The following STRN variants were observed in gnomAD, a reference collection of about 807,000 sequenced individuals.
STRN encodes the protein striatin, also known as protein phosphatase 2 regulatory subunit B'''alpha.
STRN carries 53 observed loss-of-function variants against 96.3 expected under a neutral mutation model. The observed-to-expected ratio is 0.55, with a 90% CI of 0.44 to 0.69. STRN has a LOEUF of 0.69. Among genes scored for constraint, STRN ranks in the 30% least tolerant of loss-of-function variants. The probability of loss-of-function intolerance (pLI) is 0.00; values close to 1 mark genes in which losing one functional copy is unlikely to be tolerated. For missense variants in STRN, 987 were observed against 963.9 expected (o/e 1.02, Z -0.32); for synonymous variants, 428 against 355.9 (o/e 1.20, Z -2.28).
chr2:36,949,097 G>C (rs972910308), intron 1 of STRN, among the ~76,000 whole-genome samples: 8 of 152,048 alleles, frequency 5.3e-5, no homozygotes, highest in African/African-American at 1.9e-4. Flanking sequence ...TTTATGGCTT[G>C]GATATGTTTA....
chr2:36,877,688 G>C (rs966149247), intron 10 of STRN, among the ~76,000 whole-genome samples: 1 of 152,086 alleles, frequency 6.6e-6, no homozygotes, highest in African/African-American at 2.4e-5. Flanking sequence ...GGCACCTGCC[G>C]CCATGCCTGG....
At position 36,877,999 on chromosome 2, in the gene STRN, A is replaced by C. The variant is rs1436400738; in HGVS notation, c.1215T>G (p.Ser405=). 6.2e-7 allele frequency: 1 copy of C among 1,614,004 alleles called. No homozygotes were observed. Among genetic ancestry groups the C allele is most frequent in the African/African-American group, 1.3e-5 (1 of 74,924 alleles). Residue 405 remains serine (S), a synonymous_variant, in exon 10 of 18, where the codon TCT becomes TCG. Transcript: ENST00000263918. ...CTGCTCCCATGATGAATGACTTTCC[A>C]GAAGAAGGAGGAAATGTCAATGCTT... ...EVEALTFPPS[S]GKSFIMGADE...
rs373544509 is a variant in STRN, at chr2:36,931,200, C to T, written c.235-5992G>A. ...TTATACAGGCCTTCAAGCTGACAGA[C>T]GAGTACATACTAGCTTTTTGATTCT... On this transcript the variant is annotated intron_variant, in intron 1 of 17. Transcript: ENST00000263918. Among the ~76,000 whole-genome samples the T allele has an allele frequency of 7.4e-3, 1,126 of 152,142 alleles. 16 individuals are homozygous for T. The highest frequency in any genetic ancestry group is 0.026 in the African/African-American group (1,072 of 41,516).
intron 1 of STRN, among the ~76,000 whole-genome samples, chr2:36,931,972 G>A (rs1166471618): frequency 2.6e-5 from 4 of 151,896 alleles, no homozygotes; most frequent in Non-Finnish European, 4.4e-5. Flanking sequence ...AGGCGCATAC[G>A]ACCACATGCA....
chr2:36,929,021 T>C (rs765450861), intron 1 of STRN, among the ~76,000 whole-genome samples: 10 of 151,768 alleles, frequency 6.6e-5, no homozygotes, highest in Non-Finnish European at 1.5e-4. Flanking sequence ...CATTTATCAG[T>C]ACAACTAAAC....
intron 10 of STRN, among the ~76,000 whole-genome samples, chr2:36,871,796 C>T (rs191746657): frequency 3.0e-4 from 45 of 152,178 alleles, no homozygotes; most frequent in African/African-American, 1.0e-3. Flanking sequence ...GTGACTTGCC[C>T]AAAGAACCCT....
At chr2:36,888,260 T>C (rs772285397) in intron 7 of STRN, among the ~76,000 whole-genome samples, 12 of 152,182 alleles carry the variant, frequency 7.9e-5, no homozygotes, top group Middle Eastern at 3.2e-3. Flanking sequence ...CCATGTCTAT[T>C]ATCAACACTG....
At chr2:36,935,789 A>G (rs2148246081) in intron 1 of STRN, among the ~76,000 whole-genome samples, 1 of 152,366 alleles carries the variant, frequency 6.6e-6, no homozygotes, top group East Asian at 1.9e-4. Context: ...GTTCAATCAC[A>G]GTAAATGGAA....
At chr2:36,876,139 G>A (rs1668903713) in intron 10 of STRN, among the ~76,000 whole-genome samples, 1 of 152,014 alleles carries the variant, frequency 6.6e-6, no homozygotes, top group Non-Finnish European at 1.5e-5. Flanking sequence ...GTGTGATGGT[G>A]CGTGCCTATG....
At chr2:36,957,740 TTGTC>T (rs1376053878) in intron 1 of STRN, among the ~76,000 whole-genome samples, 3 of 137,604 alleles carry the variant, frequency 2.2e-5, no homozygotes, top group African/African-American at 8.1e-5. Flanking sequence ...GTTCTTCTTT[TTGTC>T]TTTTTTTTTT....
intron 5 of STRN, 136 bp downstream of exon 5, chr2:36,902,448 A>G: frequency 1.8e-6 from 1 of 569,226 alleles, no homozygotes; most frequent in Non-Finnish European, 2.7e-6. Flanking sequence ...TTCTAACCAA[A>G]TAAAATGTTA....
intron 2 of STRN, among the ~76,000 whole-genome samples, chr2:36,922,788 T>G (rs1290452772): frequency 1.3e-5 from 2 of 151,820 alleles, no homozygotes; most frequent in Non-Finnish European, 2.9e-5. Context: ...ACCTTCTTAT[T>G]TGATGCTATT....
At chr2:36,888,953 G>C (rs1180754695) in intron 7 of STRN, among the ~76,000 whole-genome samples, 2 of 151,976 alleles carry the variant, frequency 1.3e-5, no homozygotes, top group African/African-American at 4.8e-5. Context: ...CAAAGTGCTG[G>C]GATTACAGGC....
intron 4 of STRN, among the ~76,000 whole-genome samples, chr2:36,904,969 CTTT>C (rs199913588): frequency 6.7e-5 from 9 of 134,796 alleles, no homozygotes; most frequent in Admixed American, 2.2e-4. Context: ...ACCAATTGCA[CTTT>C]TTTTTTTTTT....
rs1410318768 is a variant in STRN, at chr2:36,846,385, G to GTT, written c.*3069_*3070dup. The stretch of plus-strand genomic sequence containing the variant: ...TACAAAACAGTAAAATGCACCTATG[G>GTT]TTTATATATATATATATATATATAT... On this transcript the variant is annotated 3_prime_UTR_variant, in exon 18 of 18. Coordinates refer to ENST00000263918, the MANE Select transcript of STRN (RefSeq NM_003162.4). 60 of 26,006 alleles carry GTT rather than the reference G, an allele frequency of 2.3e-3. 2 individuals carry two copies. The highest frequency in any genetic ancestry group is 3.8e-3 in the Admixed American group (7 of 1,848). The allele number at this position is 26,006 out of a possible 1,614,324, so 1.6% of individuals were successfully genotyped here. A position where few individuals can be genotyped will look rare whatever the true frequency, so the allele number is the denominator to read the frequency against.
At position 36,913,722 on chromosome 2, in the gene STRN, G is replaced by A. The variant is rs77853360; in HGVS notation, c.412+2356C>T. 6.1e-3 allele frequency among the ~76,000 whole-genome samples: 924 copies of A among 152,268 alleles called. 17 individuals are homozygous for A. Among genetic ancestry groups the A allele is most frequent in the African/African-American group, 0.021 (878 of 41,536 alleles). On this transcript the variant is annotated intron_variant, in intron 3 of 17. Coordinates refer to ENST00000263918, the MANE Select transcript of STRN (RefSeq NM_003162.4). Reference sequence around the variant, plus strand: ...ATCATATTTATAAGATGAATGGATGGTTGGAAAGATACATGAAATGATACT... The same window carrying A: ...ATCATATTTATAAGATGAATGGATGATTGGAAAGATACATGAAATGATACT...
chr2:36,915,178 C>T (rs1327969772), intron 3 of STRN, among the ~76,000 whole-genome samples: 1 of 131,292 alleles, frequency 7.6e-6, no homozygotes. Context: ...GGCTGGGTGA[C>T]AGAGCAAGAC....
chr2:36,869,448 C>A, intron 11 of STRN, 106 bp downstream of exon 11: 1 of 1,069,158 alleles, frequency 9.4e-7, no homozygotes. Flanking sequence ...GAAGAAAGAA[C>A]TAGAAGAAAT....
chr2:36,885,577 A>C (rs1669198725), intron 8 of STRN, among the ~76,000 whole-genome samples: 1 of 152,150 alleles, frequency 6.6e-6, no homozygotes, highest in Non-Finnish European at 1.5e-5. Context: ...ATCATCTCTC[A>C]TTATGTAATG....
Sources: gnomAD v4.1 joint callset for allele counts (sites outside exome capture counted in the v4.1 genomes callset) on GRCh38, gnomAD v4.1.1 for gene constraint, MANE v1.5 for transcripts, NCBI Gene and HGNC (gene_info 2026-07-23, HGNC 2026-07-21) for gene names.